Variants in CLIC6 observed in about 807,000 individuals in gnomAD.
The protein encoded by CLIC6 is chloride intracellular channel protein 6.
CLIC6 carries 39 observed loss-of-function variants against 49.2 expected under a neutral mutation model. The observed-to-expected ratio is 0.79, with a 90% CI of 0.61 to 1.04. The LOEUF (loss-of-function observed/expected upper bound fraction) is 1.04. Ranked by LOEUF, CLIC6 falls within the 50% of genes least tolerant of loss-of-function variation. The pLI, the probability that CLIC6 is intolerant of heterozygous loss-of-function variation, is 0.00. For missense variants in CLIC6, 988 were observed against 993.1 expected, an observed-to-expected ratio of 0.99 and a Z score of 0.07; for synonymous variants, 446 against 433.4, an observed-to-expected ratio of 1.03 and a Z score of -0.36.
intron 1 of CLIC6, among the ~76,000 whole-genome samples, chr21:34,693,597 A>T (rs1413064414): frequency 6.6e-6 from 1 of 152,136 alleles, no homozygotes; most frequent in Non-Finnish European, 1.5e-5. Context: ...GGCTAGAGGG[A>T]CCTCAAATCA....
At position 34,717,959 on chromosome 21, in the gene CLIC6, T is replaced by C. The variant is rs893374587; in HGVS notation, c.*1477T>C. The C allele has an allele frequency of 6.6e-6, 1 of 152,438 alleles. No individual in the cohort carries two copies. Among genetic ancestry groups the C allele is most frequent in the South Asian group, 2.1e-4 (1 of 4,824 alleles). The allele number at this position is 152,438 out of a possible 1,614,324, so 9.4% of individuals were successfully genotyped here. A position where few individuals can be genotyped will look rare whatever the true frequency, so the allele number is the denominator to read the frequency against. On this transcript the variant is annotated 3_prime_UTR_variant, in exon 6 of 6. Transcript: ENST00000349499. ...CGCTCTTCGATTATGACTGCTGCAG[T>C]TTTACCCCAGCAGTCAGCTGTCTTT...
In CLIC6 at chr21:34,690,471, T is replaced by C. The variant is rs111924769; in HGVS notation, c.1375-16809T>C. ...TATCCCTTAACACAGGACTGAAATA[T>C]GGCAGTTTCTTAAGTCACTGGACTT... On this transcript the variant is annotated intron_variant, in intron 1 of 5. Transcript: ENST00000349499. Among the ~76,000 whole-genome samples the C allele has an allele frequency of 3.2e-3, 486 of 152,310 alleles. 3 individuals carry two copies. Among genetic ancestry groups the C allele is most frequent in the African/African-American group, 1.0e-2 (415 of 41,564 alleles).
At chr21:34,708,961 G>A (rs972568717) in intron 4 of CLIC6, among the ~76,000 whole-genome samples, 155 bp downstream of exon 4, 3 of 152,186 alleles carry the variant, frequency 2.0e-5, no homozygotes, top group East Asian at 1.9e-4. Context: ...GAATCTGCAC[G>A]TGGGCTTCAA....
intron 1 of CLIC6, chr21:34,706,195 G>A (rs549280153): frequency 3.9e-5 from 20 of 515,282 alleles, no homozygotes; most frequent in Admixed American, 9.9e-5. Context: ...GCTCACAGTC[G>A]TGGAGGAGGG....
chr21:34,708,873 G>A lies in CLIC6; in HGVS notation c.1717+67G>A, dbSNP rs886862299. The A allele has an allele frequency of 8.2e-5, 90 of 1,103,330 alleles. No individual in the cohort carries two copies. In the African/African-American group the frequency reaches 1.2e-3, roughly 15 times the overall value. 68.3% of individuals were successfully genotyped at this position (1,103,330 alleles called of 1,614,324 possible). ...TGAGTCTTAGCATGGCGGCCCATAC[G>A]CTCCTGGGGTATTCCCATCTATTTC... On this transcript the variant is annotated intron_variant, in intron 4 of 5. Transcript: ENST00000349499.
Position 34,669,595 on chromosome 21 carries a change from G to T in CLIC6, c.207G>T (p.Pro69=). Residue 69 remains proline (P), a synonymous_variant, in exon 1 of 6, where the codon CCG becomes CCT. Coordinates refer to ENST00000349499, the MANE Select transcript of CLIC6 (RefSeq NM_053277.3). The part of the protein sequence containing the change: ...EAGGGGPDRG[P]EAEARGTRGA... ...GAGGCGGCGGGCCAGACAGGGGCCCGGAGGCCGAGGCGCGGGGCACGAGGG... is the reference window on the plus strand; with the variant it reads ...GAGGCGGCGGGCCAGACAGGGGCCCTGAGGCCGAGGCGCGGGGCACGAGGG... The T allele has an allele frequency of 7.9e-7, 1 of 1,269,818 alleles. No individual in the cohort carries two copies. The highest frequency in any genetic ancestry group is 9.9e-7 in the Non-Finnish European group (1 of 1,011,406). 78.7% of individuals were successfully genotyped at this position (1,269,818 alleles called of 1,614,324 possible). A position where few individuals can be genotyped will look rare whatever the true frequency, so the allele number is the denominator to read the frequency against.
chr21:34,686,867 G>T (rs1409034150), intron 1 of CLIC6, among the ~76,000 whole-genome samples: 2 of 152,150 alleles, frequency 1.3e-5, no homozygotes, highest in African/African-American at 4.8e-5. Flanking sequence ...AAGACACTGG[G>T]CATGTGTATG....
At chr21:34,696,608 C>A (rs148701630) in intron 1 of CLIC6, among the ~76,000 whole-genome samples, 1 of 152,202 alleles carries the variant, frequency 6.6e-6, no homozygotes. Context: ...AGTAGTAGTA[C>A]CTACACCTGA....
At chr21:34,707,813 C>A in intron 2 of CLIC6, 131 bp from the exon 3 acceptor site, 1 of 928,238 alleles carries the variant, frequency 1.1e-6, no homozygotes, top group Non-Finnish European at 1.6e-6. Flanking sequence ...AAGACATTTT[C>A]ATAAACCCAC....
chr21:34,682,799 CCATTTTTTT>C (rs1568959726), intron 1 of CLIC6, among the ~76,000 whole-genome samples: 6 of 133,254 alleles, frequency 4.5e-5, no homozygotes, highest in African/African-American at 1.6e-4. Flanking sequence ...CCCTTTCCCT[CCATTTTTTT>C]TTTTTTTTTT....
chr21:34,695,265 C>T (rs1990069749), intron 1 of CLIC6, among the ~76,000 whole-genome samples: 1 of 152,226 alleles, frequency 6.6e-6, no homozygotes, highest in Admixed American at 6.5e-5. Flanking sequence ...TTCTCCGACC[C>T]TTCTTCCCTA....
intron 1 of CLIC6, among the ~76,000 whole-genome samples, chr21:34,693,201 T>G (rs1990027503): frequency 6.6e-6 from 1 of 152,206 alleles, no homozygotes; most frequent in Non-Finnish European, 1.5e-5. Context: ...AGGAGGTCTG[T>G]CAGGGGTTAG....
rs1989786273 is a variant in CLIC6 at position 34,681,895 on chromosome 21, T to A, written c.1374+11133T>A. ...GGACAAATCTTTAAAATACCACATC[T>A]ACTTTTTTTTCCACAAAAAATAGTA... On this transcript the variant is annotated intron_variant, in intron 1 of 5. Coordinates refer to ENST00000349499, the MANE Select transcript of CLIC6 (RefSeq NM_053277.3). Among the ~76,000 whole-genome samples, 5 of 152,222 alleles carry A rather than the reference T, an allele frequency of 3.3e-5. No homozygotes were observed. In the South Asian group the frequency reaches 1.0e-3, roughly 31 times the overall value.
At chr21:34,676,384 C>G (rs905087870) in intron 1 of CLIC6, among the ~76,000 whole-genome samples, 1 of 152,202 alleles carries the variant, frequency 6.6e-6, no homozygotes, top group Non-Finnish European at 1.5e-5. Flanking sequence ...GTGCTAGATT[C>G]TGGGGACACA....
chr21:34,680,070 C>T lies in CLIC6; in HGVS notation c.1374+9308C>T, dbSNP rs970717230. On this transcript the variant is annotated intron_variant, in intron 1 of 5. Transcript: ENST00000349499. ...ACCCTACATTTCCCTTCTGTACTGC[C>T]CTAGCAGAGGTTCTCCATGAGGGCT... Among the ~76,000 whole-genome samples the T allele has an allele frequency of 9.8e-5, 15 of 152,366 alleles. No individual in the cohort carries two copies. The South Asian group carries it at 3.1e-3, about 32-fold the overall frequency.
chr21:34,669,053 C>T lies in CLIC6; in HGVS notation c.-336C>T, dbSNP rs1989465785. Among the ~76,000 whole-genome samples the T allele has an allele frequency of 6.6e-6, 1 of 152,198 alleles. No individual in the cohort carries two copies. Among genetic ancestry groups the T allele is most frequent in the Non-Finnish European group, 1.5e-5 (1 of 68,022 alleles). ...CCAAAGGCGCAGGAGCGAAGCAGCCCTCTCCAGCCGTGCACTGCACCTCCG... is the reference window on the plus strand; with the variant it reads ...CCAAAGGCGCAGGAGCGAAGCAGCCTTCTCCAGCCGTGCACTGCACCTCCG... On this transcript the variant is annotated 5_prime_UTR_variant, in exon 1 of 6. Coordinates refer to ENST00000349499, the MANE Select transcript of CLIC6 (RefSeq NM_053277.3).
intron 1 of CLIC6, among the ~76,000 whole-genome samples, chr21:34,672,484 G>T (rs1464304251): frequency 6.6e-6 from 1 of 152,186 alleles, no homozygotes; most frequent in Non-Finnish European, 1.5e-5. Context: ...GCCCCTGTCT[G>T]CCCTCCTGCC....
At chr21:34,691,045 G>C (rs1211890845) in intron 1 of CLIC6, among the ~76,000 whole-genome samples, 2 of 152,112 alleles carry the variant, frequency 1.3e-5, no homozygotes, top group South Asian at 2.1e-4. Context: ...ACTCACAGTG[G>C]AAAATGGGGG....
intron 1 of CLIC6, among the ~76,000 whole-genome samples, chr21:34,673,337 A>T (rs1989602901): frequency 6.6e-6 from 1 of 151,962 alleles, no homozygotes; most frequent in African/African-American, 2.4e-5. Flanking sequence ...TCACCCAGAC[A>T]GGAGTGCAGT....
Sources: allele counts gnomAD v4.1 joint callset (sites outside exome capture counted in the v4.1 genomes callset), GRCh38; gene constraint gnomAD v4.1.1; transcripts MANE v1.5; gene names NCBI Gene and HGNC (gene_info 2026-07-23, HGNC 2026-07-21).